The following SCG3 variants were observed in gnomAD, a reference collection of about 807,000 sequenced individuals.
SCG3 encodes secretogranin-3.
In SCG3, 38 loss-of-function variants were observed where a neutral mutation model predicts 56.2. The ratio of observed to expected loss-of-function variants is 0.68; its 90% CI spans 0.52 to 0.89. SCG3 has a LOEUF of 0.89. SCG3 is among the 40% of genes least tolerant of loss of function. The pLI, the probability that SCG3 is intolerant of heterozygous loss-of-function variation, is 0.00. For synonymous variants in SCG3, 176 were observed against 184.2 expected, an observed-to-expected ratio of 0.96 and a Z score of 0.36; for missense variants, 524 against 540.7, an observed-to-expected ratio of 0.97 and a Z score of 0.31.
intron 4 of SCG3, among the ~76,000 whole-genome samples, chr15:51,686,679 T>TTTTGTTTG (rs1158901062): frequency 1.8e-5 from 1 of 55,428 alleles, no homozygotes; most frequent in South Asian, 7.8e-4. Flanking sequence ...AGAACTGATT[T>TTTTGTTTG]TATGTTTGTT....
In SCG3 at chr15:51,692,132, T is replaced by C. The variant is rs1491004209; in HGVS notation, c.691-27T>C. On this transcript the variant is annotated intron_variant, in intron 6 of 11. Transcript: ENST00000220478. ...TTCACTAGTTCTAACAAAATGTTCA[T>C]TTTTTATTGATTTTTCCCCACTGGA... The C allele has an allele frequency of 2.5e-6, 4 of 1,573,430 alleles. No homozygotes were observed. In the African/African-American group the frequency reaches 5.5e-5, roughly 22 times the overall value.
chr15:51,719,321 T>C lies in SCG3; in HGVS notation c.1289-87T>C, dbSNP rs115982386. On this transcript the variant is annotated intron_variant, in intron 11 of 11. Transcript: ENST00000220478. ...GGGGAATGGTAATTGTGTTATTGTA[T>C]AAAATGCTTCTCAGTTAATGGTAAT... is the stretch of plus-strand genomic sequence containing the variant. 1.1e-3 allele frequency: 974 copies of C among 862,686 alleles called. 6 individuals carry two copies. In the African/African-American group the frequency reaches 0.014, roughly 12 times the overall value. The allele number at this position is 862,686 out of a possible 1,614,324, so 53.4% of individuals were successfully genotyped here.
At chr15:51,703,726 G>T (rs1005710755) in intron 10 of SCG3, among the ~76,000 whole-genome samples, 18 of 152,268 alleles carry the variant, frequency 1.2e-4, no homozygotes, top group Admixed American at 9.2e-4. Flanking sequence ...AGTGGCAAAA[G>T]ATGCTGCTTC....
At chr15:51,714,301 G>T (rs2055439158) in intron 11 of SCG3, among the ~76,000 whole-genome samples, 1 of 152,138 alleles carries the variant, frequency 6.6e-6, no homozygotes, top group Admixed American at 6.6e-5. Context: ...TAAGAGCTGA[G>T]AAATCCATCT....
chr15:51,701,163 A>G lies in SCG3; in HGVS notation c.1126A>G (p.Met376Val). 2 of 1,613,896 alleles carry G rather than the reference A, an allele frequency of 1.2e-6. No homozygotes were observed. The highest frequency in any genetic ancestry group is 1.7e-6 in the Non-Finnish European group (2 of 1,179,908). The change falls in exon 10 of 12, where the codon ATG (methionine) becomes GTG (valine). Residue 376 changes from methionine to valine, a missense_variant. Met to Val is a conservative substitution (Grantham distance 21, BLOSUM62 1). Transcript: ENST00000220478. ...TDSTKEEAAK[M>V]EKEYGSLKDS... ...CAGTACCAAGGAAGAAGCAGCTAAG[A>G]TGGAAAAGGAATATGGAAGCTTGAA... is the stretch of plus-strand genomic sequence containing the variant.
At chr15:51,715,320 C>G (rs935839074) in intron 11 of SCG3, 1 of 152,156 alleles carries the variant, frequency 6.6e-6, no homozygotes, top group African/African-American at 2.4e-5. Flanking sequence ...CTCTCATATG[C>G]GCTCGGCTTG....
intron 10 of SCG3, among the ~76,000 whole-genome samples, chr15:51,709,277 C>T (rs2055396389): frequency 1.3e-5 from 2 of 151,974 alleles, no homozygotes; most frequent in African/African-American, 4.8e-5. Context: ...GTAACCGCCC[C>T]CCTGATTCAA....
intron 4 of SCG3, among the ~76,000 whole-genome samples, chr15:51,683,858 A>G (rs1455401473): frequency 6.6e-6 from 1 of 152,178 alleles, no homozygotes; most frequent in African/African-American, 2.4e-5. Flanking sequence ...TTTTCTCCTT[A>G]GGTCATCCTA....
At chr15:51,699,011 T>C (rs1467058877) in intron 8 of SCG3, among the ~76,000 whole-genome samples, 1 of 152,172 alleles carries the variant, frequency 6.6e-6, no homozygotes, top group Admixed American at 6.6e-5. Flanking sequence ...GTTGAATAGG[T>C]CAAACCCCAA....
Position 51,701,142 on chromosome 15 carries a change from A to G in SCG3, c.1105A>G (p.Thr369Ala). The G allele has an allele frequency of 6.2e-7, 1 of 1,614,026 alleles. No individual in the cohort carries two copies. The highest frequency in any genetic ancestry group is 8.5e-7 in the Non-Finnish European group (1 of 1,179,972). The change falls in exon 10 of 12, where the codon ACC (threonine) becomes GCC (alanine). Residue 369 changes from threonine to alanine, a missense_variant. Transcript: ENST00000220478. ...GAAGAGTCATGAAGAAACAGACAGT[A>G]CCAAGGAAGAAGCAGCTAAGATGGA... ...SEKSHEETDS[T>A]KEEAAKMEKE...
chr15:51,715,671 C>G (rs2414115), intron 11 of SCG3, among the ~76,000 whole-genome samples: 6,049 of 152,258 alleles, frequency 0.04, 151 homozygotes, highest in Non-Finnish European at 0.048. Flanking sequence ...GTCTCCTAAC[C>G]CCCAGCTAGG....
chr15:51,689,402 T>TGTGTGG, intron 6 of SCG3, 34 bp downstream of exon 6: 1 of 612,198 alleles, frequency 1.6e-6, no homozygotes, highest in Non-Finnish European at 2.1e-6. Flanking sequence ...TGCATGGGGG[T>TGTGTGG]GTGTGTGTGT....
intron 2 of SCG3, 107 bp from the exon 3 acceptor site, chr15:51,682,972 C>T: frequency 1.2e-6 from 1 of 859,240 alleles, no homozygotes; most frequent in Non-Finnish European, 1.8e-6. Context: ...CCACATTTTA[C>T]AAACAAGACA....
Position 51,720,333 on chromosome 15 carries a change from G to A in SCG3, c.*807G>A, listed in dbSNP as rs1376923995. 6.6e-6 allele frequency: 1 copy of A among 152,214 alleles called. No homozygotes were observed. Among genetic ancestry groups the A allele is most frequent in the African/African-American group, 2.4e-5 (1 of 41,450 alleles). 9.4% of individuals were successfully genotyped at this position (152,214 alleles called of 1,614,324 possible). The stretch of plus-strand genomic sequence containing the variant: ...CAGAGAGCAAAGGGCCAGGCAGTAA[G>A]GTAGAAATAGAGATAAAAATCATTC... On this transcript the variant is annotated 3_prime_UTR_variant, in exon 12 of 12. Transcript: ENST00000220478.
rs141260483 is a variant in SCG3, at chr15:51,701,191, A to G, written c.1154A>G (p.Asp385Gly). Residue 385 changes from aspartate (D) to glycine (G), a missense_variant, in exon 10 of 12, where the codon GAT (aspartate) becomes GGT (glycine). Physicochemically the swap from Asp to Gly is moderately conservative, Grantham distance 94 (BLOSUM62 -1). Transcript: ENST00000220478. ...KMEKEYGSLK[D>G]STKDDNSNPG... ...GAAAAGGAATATGGAAGCTTGAAGG[A>G]TTCCACAAAAGATGATAACTCCAAC... is the stretch of plus-strand genomic sequence containing the variant. 9.6e-5 allele frequency: 154 copies of G among 1,612,508 alleles called. No homozygotes were observed. The highest frequency in any genetic ancestry group is 1.3e-4 in the Non-Finnish European group (148 of 1,179,496).
At chr15:51,716,202 G>A (rs139342355) in intron 11 of SCG3, among the ~76,000 whole-genome samples, 57 of 152,258 alleles carry the variant, frequency 3.7e-4, no homozygotes, top group African/African-American at 1.3e-3. Context: ...TCACTTAGCG[G>A]GAGTCTGCCT....
chr15:51,704,215 A>G (rs1397746240), intron 10 of SCG3, among the ~76,000 whole-genome samples: 3 of 137,786 alleles, frequency 2.2e-5, no homozygotes, highest in African/African-American at 5.4e-5. Flanking sequence ...TAAAATATAT[A>G]TATATATGTG....
At chr15:51,694,857 C>T (rs1376230277) in intron 7 of SCG3, among the ~76,000 whole-genome samples, 2 of 151,966 alleles carry the variant, frequency 1.3e-5, no homozygotes, top group African/African-American at 4.8e-5. Context: ...ATGGTGAAAC[C>T]CAGTCTCTAC....
chr15:51,710,752 ATTTTTTTT>A (rs60536489), intron 10 of SCG3, among the ~76,000 whole-genome samples: 21 of 105,270 alleles, frequency 2.0e-4, no homozygotes, highest in Admixed American at 1.5e-3. Context: ...TGCCTGGCTA[ATTTTTTTT>A]TTTTTTTTTT....
Sources: gnomAD v4.1 joint callset for allele counts (sites outside exome capture counted in the v4.1 genomes callset) on GRCh38, gnomAD v4.1.1 for gene constraint, MANE v1.5 for transcripts, NCBI Gene and HGNC (gene_info 2026-07-23, HGNC 2026-07-21) for gene names.